Variants in EYS observed in about 807,000 individuals in gnomAD.
The protein encoded by EYS is protein eyes shut homolog.
In EYS, 250 loss-of-function variants were observed where a neutral mutation model predicts 282.1. The observed-to-expected ratio is 0.89, with a 90% CI of 0.80 to 0.98. The LOEUF is 0.98. Ranked by LOEUF, EYS falls within the 50% of genes least tolerant of loss-of-function variation. The probability of loss-of-function intolerance (pLI) is 0.00; values close to 1 mark genes in which losing one functional copy is unlikely to be tolerated. For missense variants in EYS, 4,016 were observed against 3,709.0 expected (o/e 1.08, Z -2.15); for synonymous variants, 1,355 against 1,282.9 (o/e 1.06, Z -1.20).
At chr6:64,449,354 C>A (rs546474369) in intron 26 of EYS, among the ~76,000 whole-genome samples, 1 of 151,952 alleles carries the variant, frequency 6.6e-6, no homozygotes, top group Non-Finnish European at 1.5e-5. Flanking sequence ...TATGGGACTA[C>A]GTGAAAAGAC....
intron 19 of EYS, among the ~76,000 whole-genome samples, chr6:64,864,056 T>C (rs1245608213): frequency 6.6e-6 from 1 of 152,184 alleles, no homozygotes; most frequent in African/African-American, 2.4e-5. Flanking sequence ...CACACATCAG[T>C]TTGTAGGTCC....
At chr6:63,724,445 T>G (rs944774155) in intron 42 of EYS, among the ~76,000 whole-genome samples, 8 of 152,284 alleles carry the variant, frequency 5.3e-5, no homozygotes, top group East Asian at 3.9e-4. Context: ...GTTTAATTAT[T>G]TGAGTATGTT....
rs201814171 is a variant in EYS, at chr6:65,498,660, GA to G, written c.-332-2668del. On this transcript the variant is annotated intron_variant, in intron 2 of 42. Transcript: ENST00000503581. ...TAAATAAATGAAAATAGCAGCAAAG[GA>G]AAAAAAACACTAACACAAAAACATC... is the stretch of plus-strand genomic sequence containing the variant. Among the ~76,000 whole-genome samples the G allele has an allele frequency of 6.0e-3, 900 of 150,768 alleles. 6 individuals carry two copies. The highest frequency in any genetic ancestry group is 0.01 in the Middle Eastern group (3 of 292).
chr6:65,177,024 T>C (rs1462393670), intron 12 of EYS, among the ~76,000 whole-genome samples: 1 of 151,806 alleles, frequency 6.6e-6, no homozygotes, highest in Non-Finnish European at 1.5e-5. Context: ...GTTTTCCAAA[T>C]CATTACTTAT....
Position 64,552,744 on chromosome 6 carries a change from C to G in EYS, c.5644+37479G>C, listed in dbSNP as rs371032839. ...CCTGGCCAACATGGTGAACCCCCCCCACCATCTCTACTAAACATAAAAAAA... is the reference window on the plus strand; with the variant it reads ...CCTGGCCAACATGGTGAACCCCCCCGACCATCTCTACTAAACATAAAAAAA... On this transcript the variant is annotated intron_variant, in intron 26 of 42. Coordinates refer to ENST00000503581, the MANE Select transcript of EYS (RefSeq NM_001142800.2). Among the ~76,000 whole-genome samples the G allele has an allele frequency of 4.8e-4, 73 of 150,540 alleles. 2 individuals are homozygous for G. Among genetic ancestry groups the G allele is most frequent in the African/African-American group, 1.8e-3 (73 of 40,958 alleles).
intron 40 of EYS, among the ~76,000 whole-genome samples, chr6:63,763,483 G>A (rs958476592): frequency 6.6e-6 from 1 of 151,918 alleles, no homozygotes; most frequent in Non-Finnish European, 1.5e-5. Flanking sequence ...ATTGTAGTTG[G>A]CATAATCCCC....
At position 64,590,604 on chromosome 6, in the gene EYS, C is replaced by T. The variant is rs772953910; in HGVS notation, c.5263G>A (p.Asp1755Asn). 3.2e-6 allele frequency: 5 copies of T among 1,551,260 alleles called. No individual in the cohort carries two copies. Among genetic ancestry groups the T allele is most frequent in the Non-Finnish European group, 4.4e-6 (5 of 1,146,740 alleles). Residue 1755 changes from aspartate (D) to asparagine (N), a missense_variant, in exon 26 of 43, where the codon GAT (aspartate) becomes AAT (asparagine). Transcript: ENST00000503581. ...DFELNLQIYPDVTLKTYSEIT... is the reference protein window; with the variant it reads ...DFELNLQIYPNVTLKTYSEIT... Reference sequence around the variant, plus strand: ...TCTGAATATGTCTTTAAAGTAACATCCGGATAAATTTGTAAGTTTAACTCA... The same window carrying T: ...TCTGAATATGTCTTTAAAGTAACATTCGGATAAATTTGTAAGTTTAACTCA...
chr6:64,191,214 T>C (rs1765093145), intron 31 of EYS, among the ~76,000 whole-genome samples: 1 of 152,122 alleles, frequency 6.6e-6, no homozygotes, highest in East Asian at 1.9e-4. Context: ...CTTTTTTAAA[T>C]TGTTACACAT....
intron 7 of EYS, among the ~76,000 whole-genome samples, chr6:65,393,696 G>A (rs2150358245): frequency 6.6e-6 from 1 of 152,060 alleles, no homozygotes; most frequent in African/African-American, 2.4e-5. Context: ...CTTTACCCAT[G>A]ACTGATGTGG....
At chr6:64,991,616 C>T (rs35577077) in intron 14 of EYS, among the ~76,000 whole-genome samples, 15,833 of 151,596 alleles carry the variant, frequency 0.1, 1,132 homozygotes, top group South Asian at 0.16. Context: ...GAGACTAACA[C>T]TTCACTAATT....
At chr6:63,841,767 G>A (rs56172936) in intron 36 of EYS, among the ~76,000 whole-genome samples, 18,319 of 151,756 alleles carry the variant, frequency 0.12, 1,326 homozygotes, top group African/African-American at 0.19. Context: ...TTTGCCCCCC[G>A]CCACCCAACA....
chr6:63,864,484 G>T, intron 35 of EYS, 126 bp from the exon 36 acceptor site: 1 of 546,732 alleles, frequency 1.8e-6, no homozygotes, highest in East Asian at 3.6e-5. Context: ...TCTAATAAGT[G>T]ACTTTTTTCT....
chr6:64,574,529 AGAGTCTCAG>A (rs1475100222), intron 26 of EYS, among the ~76,000 whole-genome samples: 5 of 152,310 alleles, frequency 3.3e-5, no homozygotes, highest in African/African-American at 1.2e-4. Context: ...CATGAATCAT[AGAGTCTCAG>A]GGTAAGAAGA....
intron 24 of EYS, among the ~76,000 whole-genome samples, chr6:64,609,483 T>A (rs938147323): frequency 6.6e-6 from 1 of 152,146 alleles, no homozygotes; most frequent in Non-Finnish European, 1.5e-5. Flanking sequence ...CTAGAGAAGT[T>A]ATCAGGAAGG....
intron 29 of EYS, among the ~76,000 whole-genome samples, chr6:64,309,718 G>A (rs1313189642): frequency 6.6e-6 from 1 of 152,016 alleles, no homozygotes; most frequent in African/African-American, 2.4e-5. Flanking sequence ...TGTAATCCCA[G>A]CACTTTGGGA....
chr6:65,279,156 T>A (rs189158877), intron 12 of EYS, among the ~76,000 whole-genome samples: 155 of 152,084 alleles, frequency 1.0e-3, no homozygotes, highest in African/African-American at 3.7e-3. Flanking sequence ...GCCACTGCAC[T>A]TCACCCTGGG....
At chr6:65,163,443 T>A (rs571128492) in intron 12 of EYS, among the ~76,000 whole-genome samples, 1 of 151,428 alleles carries the variant, frequency 6.6e-6, no homozygotes, top group East Asian at 2.0e-4. Context: ...TATGTTAAAA[T>A]TTAATTTTCT....
At chr6:64,097,919 G>A (rs1245889369) in intron 31 of EYS, among the ~76,000 whole-genome samples, 3 of 152,182 alleles carry the variant, frequency 2.0e-5, no homozygotes, top group Non-Finnish European at 4.4e-5. Context: ...AAAGTGAAAT[G>A]TGTTAAAGAA....
At chr6:64,971,030 ACT>A (rs1192314952) in intron 14 of EYS, among the ~76,000 whole-genome samples, 2 of 152,142 alleles carry the variant, frequency 1.3e-5, no homozygotes, top group African/African-American at 2.4e-5. Context: ...ATAACTATAG[ACT>A]CTGATATAAT....
Sources: allele counts gnomAD v4.1 joint callset (sites outside exome capture counted in the v4.1 genomes callset), GRCh38; gene constraint gnomAD v4.1.1; transcripts MANE v1.5; gene names NCBI Gene and HGNC (gene_info 2026-07-23, HGNC 2026-07-21).